AHCY: variants seen among roughly 807,000 people sequenced by gnomAD.
AHCY encodes the protein adenosylhomocysteinase.
In AHCY, 24 loss-of-function variants were observed where a neutral mutation model predicts 45.4. That is an observed-to-expected ratio of 0.53 (90% confidence interval 0.38 to 0.74). AHCY has a LOEUF of 0.74. Ranked by LOEUF, AHCY falls within the 30% of genes least tolerant of loss-of-function variation. The probability of loss-of-function intolerance (pLI) is 0.00; values close to 1 mark genes in which losing one functional copy is unlikely to be tolerated. For synonymous variants in AHCY, 245 were observed against 235.1 expected (o/e 1.04, Z -0.39); for missense variants, 449 against 594.1 (o/e 0.76, Z 2.54).
chr20:34,233,043 T>G, the AHCY span, among the ~76,000 whole-genome samples: 1 of 152,064 alleles, frequency 6.6e-6, no homozygotes, highest in Non-Finnish European at 1.5e-5. Context: ...AAAATCAGTG[T>G]GTCCCAACCC....
the AHCY span, chr20:34,241,628 T>C: frequency 1.3e-6 from 1 of 743,200 alleles, no homozygotes; most frequent in East Asian, 1.3e-4. Context: ...TGGGTCAGAG[T>C]AGTTAAGAGG....
At chr20:34,234,663 G>A in the AHCY span, among the ~76,000 whole-genome samples, 6 of 151,990 alleles carry the variant, frequency 3.9e-5, no homozygotes, top group Non-Finnish European at 7.4e-5. Flanking sequence ...TTCGCCGGGC[G>A]TGGTGGCAGG....
chr20:34,294,735 C>T (rs901819819), intron 2 of AHCY, among the ~76,000 whole-genome samples: 11 of 152,124 alleles, frequency 7.2e-5, no homozygotes, highest in Admixed American at 2.6e-4. Context: ...CTCCAGGGAG[C>T]GTCAACGCCC....
the AHCY span, among the ~76,000 whole-genome samples, chr20:34,250,502 A>C: frequency 6.6e-6 from 1 of 152,152 alleles, no homozygotes; most frequent in Non-Finnish European, 1.5e-5. Context: ...ATCACATCTC[A>C]AAAAAATTAA....
At position 34,281,175 on chromosome 20, in the gene AHCY, A is replaced by C; in HGVS notation, c.1168-10T>G. The C allele has an allele frequency of 6.2e-7, 1 of 1,612,622 alleles. No homozygotes were observed. The highest frequency in any genetic ancestry group is 8.5e-7 in the Non-Finnish European group (1 of 1,179,918). ...CCACTGCCTCATCCAGCTGGGGAGA[A>C]ACAAAGGAAGACCGGGAATCAGTGC... On this transcript the variant is annotated splice_polypyrimidine_tract_variant and intron_variant, in intron 9 of 9. Transcript: ENST00000217426.
the AHCY span, among the ~76,000 whole-genome samples, chr20:34,264,845 GAGTGCAGTGGCACCAT>G: frequency 7.0e-6 from 1 of 143,634 alleles, no homozygotes; most frequent in African/African-American, 2.6e-5. Flanking sequence ...ACTCAGGCTG[GAGTGCAGTGGCACCAT>G]CTCGGCTCAT....
the AHCY span, chr20:34,269,236 C>G: frequency 7.0e-7 from 1 of 1,422,960 alleles, no homozygotes; most frequent in South Asian, 1.5e-5. Context: ...GCGGGTGATC[C>G]CTAACAGGGC....
intron 1 of AHCY, among the ~76,000 whole-genome samples, chr20:34,297,781 T>C (rs1055583903): frequency 6.6e-6 from 1 of 152,182 alleles, no homozygotes; most frequent in Non-Finnish European, 1.5e-5. Context: ...TTTTCCCCTA[T>C]GGAATCCACT....
chr20:34,256,631 C>G, the AHCY span, among the ~76,000 whole-genome samples: 2 of 152,068 alleles, frequency 1.3e-5, no homozygotes, highest in African/African-American at 4.8e-5. Flanking sequence ...TTTCCGGCCA[C>G]TCTCACTTCT....
chr20:34,259,096 G>GC, the AHCY span, among the ~76,000 whole-genome samples: 1 of 151,356 alleles, frequency 6.6e-6, no homozygotes, highest in South Asian at 2.1e-4. Flanking sequence ...TGTAGTGCCA[G>GC]CTACTCAGGA....
chr20:34,295,432 G>A lies in AHCY; in HGVS notation c.182C>T (p.Ala61Val). The change falls in exon 2 of 10, where the codon GCC (alanine) becomes GTC (valine). Residue 61 changes from alanine (A) to valine (V), a missense_variant. Transcript: ENST00000217426. The part of the protein sequence containing the change: ...AGCLHMTVET[A>V]VLIETLVTLG... ...GGTGACGAGGGTCTCAATGAGGACG[G>A]CCGTCTCCACGGTCATGTGCAGGCA... 6.2e-7 allele frequency: 1 copy of A among 1,614,108 alleles called. No homozygotes were observed. The highest frequency in any genetic ancestry group is 8.5e-7 in the Non-Finnish European group (1 of 1,179,992).
chr20:34,300,109 T>G (rs2036720113), intron 1 of AHCY, among the ~76,000 whole-genome samples: 1 of 152,086 alleles, frequency 6.6e-6, no homozygotes, highest in Admixed American at 6.6e-5. Flanking sequence ...TGCTTGAACC[T>G]GGGAGGCGGA....
the AHCY span, among the ~76,000 whole-genome samples, chr20:34,253,637 A>C: frequency 6.6e-6 from 1 of 151,128 alleles, no homozygotes; most frequent in Non-Finnish European, 1.5e-5. Context: ...AAGCCTGGCT[A>C]ATTTTTGTAT....
rs2035980158 is a variant in AHCY, at chr20:34,280,982, G to A, written c.*52C>T. 2 of 1,612,206 alleles carry A rather than the reference G, an allele frequency of 1.2e-6. No homozygotes were observed. The highest frequency in any genetic ancestry group is 1.7e-6 in the Non-Finnish European group (2 of 1,179,390). On this transcript the variant is annotated 3_prime_UTR_variant, in exon 10 of 10. Transcript: ENST00000217426. ...GTGCCATTAGCTCTTAGGGAGGAGA[G>A]GTGGGGCCTGGGCAAGGACAGCAGC...
upstream of AHCY, among the ~76,000 whole-genome samples, chr20:34,304,626 T>C (rs1193527884): frequency 6.6e-6 from 1 of 151,920 alleles, no homozygotes; most frequent in Non-Finnish European, 1.5e-5. Context: ...TTCAAGCAAT[T>C]CTCCTGCCTC....
the AHCY span, among the ~76,000 whole-genome samples, chr20:34,268,125 A>G: frequency 6.6e-6 from 1 of 152,218 alleles, no homozygotes; most frequent in Non-Finnish European, 1.5e-5. Flanking sequence ...TTAAAATTAA[A>G]TTTGAAAATT....
chr20:34,248,546 T>C, the AHCY span, among the ~76,000 whole-genome samples: 1 of 152,182 alleles, frequency 6.6e-6, no homozygotes, highest in African/African-American at 2.4e-5. Context: ...CTCACGCTTG[T>C]AATTCCAGCA....
chr20:34,292,615 C>T (rs1309593599), intron 3 of AHCY, 108 bp from the exon 4 acceptor site: 62 of 1,489,352 alleles, frequency 4.2e-5, no homozygotes, highest in Non-Finnish European at 5.7e-5. Flanking sequence ...CCATCCCCAG[C>T]CACCTCCGGC....
chr20:34,235,942 GAAGA>G, the AHCY span, among the ~76,000 whole-genome samples: 5 of 127,752 alleles, frequency 3.9e-5, no homozygotes, highest in Non-Finnish European at 6.4e-5. Context: ...GGGAGGGAGG[GAAGA>G]AGGAAGGAAG....
Sources: gnomAD v4.1 joint callset for allele counts (sites outside exome capture counted in the v4.1 genomes callset) on GRCh38, gnomAD v4.1.1 for gene constraint, MANE v1.5 for transcripts, NCBI Gene and HGNC (gene_info 2026-07-23, HGNC 2026-07-21) for gene names.